The following MED27 variants were observed in gnomAD, a reference collection of about 807,000 sequenced individuals.
The protein encoded by MED27 is mediator of RNA polymerase II transcription subunit 27.
MED27 carries 30 observed loss-of-function variants against 38.2 expected under a neutral mutation model. The observed-to-expected ratio is 0.79, with a 90% CI of 0.59 to 1.07. MED27 has a LOEUF of 1.07. MED27 is among the 50% of genes least tolerant of loss of function. The pLI is 0.00. For missense variants in MED27, 289 were observed against 397.5 expected, an observed-to-expected ratio of 0.73 and a Z score of 2.32; for synonymous variants, 122 against 153.5, an observed-to-expected ratio of 0.79 and a Z score of 1.52.
In MED27 at chr9:131,861,345, C is replaced by T. The variant is rs1838648701; in HGVS notation, c.802-673G>A. On this transcript the variant is annotated intron_variant, in intron 7 of 7. Transcript: ENST00000292035. The surrounding 1 kb of genome is among the most constrained non-coding windows in gnomAD (Gnocchi z 4.4). The stretch of plus-strand genomic sequence containing the variant: ...TCTCAAACACAAGGAGATTCACTAC[C>T]AAAGAAAAAAATACCCAAACGTAAA... Among the ~76,000 whole-genome samples the T allele has an allele frequency of 6.6e-6, 1 of 152,064 alleles. No homozygotes were observed. Among genetic ancestry groups the T allele is most frequent in the Admixed American group, 6.6e-5 (1 of 15,260 alleles).
intron 2 of MED27, among the ~76,000 whole-genome samples, chr9:132,026,999 T>C (rs1023032100): frequency 6.6e-6 from 1 of 152,210 alleles, no homozygotes; most frequent in South Asian, 2.1e-4. Flanking sequence ...CTGTAACCAC[T>C]ACACTCAACT....
intron 4 of MED27, among the ~76,000 whole-genome samples, chr9:131,935,189 A>C (rs1464786511): frequency 6.6e-6 from 1 of 152,210 alleles, no homozygotes; most frequent in Non-Finnish European, 1.5e-5. Context: ...ATCAATAACA[A>C]TTTAATTGTA....
chr9:131,953,093 C>A (rs115383290), intron 3 of MED27, among the ~76,000 whole-genome samples: 1 of 152,212 alleles, frequency 6.6e-6, no homozygotes, highest in African/African-American at 2.4e-5. Context: ...TTTACATGCG[C>A]TCTGCTTAAC....
At chr9:132,064,360 G>A (rs1324915442) in intron 2 of MED27, among the ~76,000 whole-genome samples, 1 of 152,120 alleles carries the variant, frequency 6.6e-6, no homozygotes, top group Non-Finnish European at 1.5e-5. Context: ...GACCCAGTCC[G>A]AGATAAAAGG....
At chr9:132,068,510 G>A (rs1833860418) in intron 2 of MED27, among the ~76,000 whole-genome samples, 1 of 152,156 alleles carries the variant, frequency 6.6e-6, no homozygotes, top group South Asian at 2.1e-4. Flanking sequence ...CTGCGGCATT[G>A]CCCTGAGCAA....
chr9:131,995,660 A>G (rs1832075958), intron 3 of MED27, among the ~76,000 whole-genome samples: 1 of 152,116 alleles, frequency 6.6e-6, no homozygotes, highest in Non-Finnish European at 1.5e-5. Flanking sequence ...CCCACATAAT[A>G]TTATATCAAA....
intron 4 of MED27, among the ~76,000 whole-genome samples, chr9:131,899,946 A>G (rs1238141338): frequency 6.6e-6 from 1 of 152,254 alleles, no homozygotes; most frequent in Non-Finnish European, 1.5e-5. Context: ...ACGCCCACCG[A>G]CGGGGGCTAC....
chr9:132,040,465 G>A (rs922164825), intron 2 of MED27, among the ~76,000 whole-genome samples: 2 of 152,170 alleles, frequency 1.3e-5, no homozygotes, highest in South Asian at 2.1e-4. Flanking sequence ...ATGCAGAGAA[G>A]GCATCACCTG....
chr9:131,909,323 T>C (rs1339706188), intron 4 of MED27, among the ~76,000 whole-genome samples: 2 of 152,210 alleles, frequency 1.3e-5, no homozygotes, highest in Non-Finnish European at 2.9e-5. Context: ...TTCAATTTTA[T>C]GAACAATAAT....
chr9:132,032,797 T>G (rs894907936), intron 2 of MED27, among the ~76,000 whole-genome samples: 1 of 152,028 alleles, frequency 6.6e-6, no homozygotes, highest in Non-Finnish European at 1.5e-5. Flanking sequence ...CCCCTGCCCC[T>G]CCCTCTCACA....
At chr9:131,916,375 A>G (rs1215457719) in intron 4 of MED27, among the ~76,000 whole-genome samples, 6 of 152,244 alleles carry the variant, frequency 3.9e-5, no homozygotes, top group Non-Finnish European at 8.8e-5. Flanking sequence ...TGTCTACAAG[A>G]AAACAGCAGC....
chr9:131,991,222 C>A (rs1468445876), intron 3 of MED27, among the ~76,000 whole-genome samples: 1 of 152,162 alleles, frequency 6.6e-6, no homozygotes, highest in African/African-American at 2.4e-5. Flanking sequence ...CATCAGGGAC[C>A]TAAATGCACC....
At chr9:131,884,236 G>T (rs559994757) in intron 5 of MED27, 137 bp from the exon 6 acceptor site, 1 of 575,478 alleles carries the variant, frequency 1.7e-6, no homozygotes, top group Non-Finnish European at 2.8e-6. Context: ...TCTCAGGGTT[G>T]AAAAGGATCT....
chr9:132,044,247 A>G (rs1388768637), intron 2 of MED27, among the ~76,000 whole-genome samples: 3 of 152,192 alleles, frequency 2.0e-5, no homozygotes, highest in Non-Finnish European at 4.4e-5. Flanking sequence ...CTAACTCTCT[A>G]GACTGTTTTC....
At chr9:132,037,759 ACAGT>A (rs1192781073) in intron 2 of MED27, among the ~76,000 whole-genome samples, 1 of 152,130 alleles carries the variant, frequency 6.6e-6, no homozygotes, top group Non-Finnish European at 1.5e-5. Context: ...AGTGGGCAAA[ACAGT>A]CAGGCTTTCA....
At chr9:132,062,465 A>G (rs1299586768) in intron 2 of MED27, among the ~76,000 whole-genome samples, 2 of 152,248 alleles carry the variant, frequency 1.3e-5, no homozygotes. Context: ...GCAACAGCTC[A>G]GGCAGTAGCA....
chr9:132,014,233 G>T, intron 3 of MED27, 104 bp downstream of exon 3: 1 of 1,267,316 alleles, frequency 7.9e-7, no homozygotes, highest in Non-Finnish European at 1.1e-6. Flanking sequence ...AGGAAGGGAG[G>T]GAGGGAATTT....
intron 4 of MED27, among the ~76,000 whole-genome samples, chr9:131,915,375 A>T (rs1830270115): frequency 2.0e-5 from 3 of 152,226 alleles, no homozygotes; most frequent in Admixed American, 1.3e-4. Context: ...ACATAGATGG[A>T]TGCGCAGTGA....
rs909151828 is a variant in MED27 at position 131,860,275 on chromosome 9, G to A, written c.*263C>T. 6 of 381,608 alleles carry A rather than the reference G, an allele frequency of 1.6e-5. No individual in the cohort carries two copies. Among genetic ancestry groups the A allele is most frequent in the Non-Finnish European group, 2.8e-5 (6 of 215,810 alleles). The allele number at this position is 381,608 out of a possible 1,614,324, so 23.6% of individuals were successfully genotyped here. A position where few individuals can be genotyped will look rare whatever the true frequency, so the allele number is the denominator to read the frequency against. On this transcript the variant is annotated 3_prime_UTR_variant, in exon 8 of 8. Transcript: ENST00000292035. This position sits in a 1 kb window ranked among gnomAD's most constrained non-coding sequence, Gnocchi z 5.8. Reference sequence around the variant, plus strand: ...CACTGCCGACACACATGGACGAGGAGCATGCTGCACAGCTTCCTTCTACCA... The same window carrying A: ...CACTGCCGACACACATGGACGAGGAACATGCTGCACAGCTTCCTTCTACCA...
Sources: gnomAD v4.1 joint callset for allele counts (sites outside exome capture counted in the v4.1 genomes callset) on GRCh38, gnomAD v4.1.1 for gene constraint, Gnocchi (gnomAD v3.1) non-coding constraint, MANE v1.5 for transcripts, NCBI Gene and HGNC (gene_info 2026-07-23, HGNC 2026-07-21) for gene names.